Variants in CALHM4 observed in about 807,000 individuals in gnomAD.
CALHM4 encodes calcium homeostasis modulator protein 4.
CALHM4 carries 16 observed loss-of-function variants against 13.3 expected under a neutral mutation model. The observed-to-expected ratio is 1.20, with a 90% CI of 0.81 to 1.82. The LOEUF (loss-of-function observed/expected upper bound fraction) is 1.82. Ranked by LOEUF, CALHM4 falls within the 40% of genes most tolerant of loss-of-function variation. The probability of loss-of-function intolerance (pLI) is 0.00; values close to 1 mark genes in which losing one functional copy is unlikely to be tolerated. For synonymous variants in CALHM4, 127 were observed against 137.1 expected, an observed-to-expected ratio of 0.93 and a Z score of 0.52; for missense variants, 344 against 374.9, an observed-to-expected ratio of 0.92 and a Z score of 0.68.
upstream of CALHM4, among the ~76,000 whole-genome samples, chr6:116,553,118 C>A (rs908461362): frequency 1.3e-5 from 2 of 152,180 alleles, no homozygotes; most frequent in African/African-American, 2.4e-5. Context: ...TTTCATATAA[C>A]AAAAAGATAC....
chr6:116,544,977 T>A (rs1444734736), intron 2 of CALHM4, among the ~76,000 whole-genome samples: 1 of 151,970 alleles, frequency 6.6e-6, no homozygotes, highest in African/African-American at 2.4e-5. Flanking sequence ...ACTCTTAACC[T>A]GGAATATATA....
At chr6:116,534,714 A>AT (rs1457326447) in intron 1 of CALHM4, among the ~76,000 whole-genome samples, 6 of 151,274 alleles carry the variant, frequency 4.0e-5, no homozygotes, top group African/African-American at 1.5e-4. Context: ...CATTTCCTTG[A>AT]TTTTTTATTA....
Position 116,559,388 on chromosome 6 carries a change from G to A in CALHM4, c.*1177G>A, listed in dbSNP as rs968851747. Among the ~76,000 whole-genome samples, 2 of 152,162 alleles carry A rather than the reference G, an allele frequency of 1.3e-5. No homozygotes were observed. The highest frequency in any genetic ancestry group is 3.8e-4 in the East Asian group (2 of 5,202). The stretch of plus-strand genomic sequence containing the variant: ...CACTTTCAAGGAGACCAAGGAACTT[G>A]ACTATACTATCTAAAATGCAATCAA... On this transcript the variant is annotated 3_prime_UTR_variant, in exon 2 of 2. Transcript: ENST00000368596.
At chr6:116,543,407 A>C (rs4142087) in intron 1 of CALHM4, 581,346 of 1,543,190 alleles carry the variant, frequency 0.38, 114,663 homozygotes, top group East Asian at 0.46. Context: ...TATTCTGGAG[A>C]AAAAGGGGTA....
intron 2 of CALHM4, among the ~76,000 whole-genome samples, chr6:116,545,786 A>G (rs17078051): frequency 0.17 from 26,143 of 152,162 alleles, 2,360 homozygotes; most frequent in East Asian, 0.35. Context: ...TAGAGCCATA[A>G]AAGCTGATAA....
At chr6:116,532,150 G>GTAGGA (rs1387219047) in intron 1 of CALHM4, among the ~76,000 whole-genome samples, 1 of 152,194 alleles carries the variant, frequency 6.6e-6, no homozygotes, top group African/African-American at 2.4e-5. Context: ...AGCAGACAGG[G>GTAGGA]TAGGAGTCTT....
upstream of CALHM4, among the ~76,000 whole-genome samples, chr6:116,552,848 G>C (rs1360668952): frequency 1.3e-5 from 2 of 152,186 alleles, no homozygotes; most frequent in South Asian, 2.1e-4. Context: ...GCCGAGGCGG[G>C]CGGATCACAA....
At chr6:116,531,102 T>C (rs894864327) in intron 1 of CALHM4, among the ~76,000 whole-genome samples, 2 of 152,032 alleles carry the variant, frequency 1.3e-5, no homozygotes, top group African/African-American at 4.8e-5. Context: ...TGGCCACAGT[T>C]AATGGATTAG....
chr6:116,551,352 G>C (rs1204827928), upstream of CALHM4, among the ~76,000 whole-genome samples: 1 of 152,094 alleles, frequency 6.6e-6, no homozygotes, highest in South Asian at 2.1e-4. Flanking sequence ...GGCAAGCACT[G>C]GTCTATTTTC....
At chr6:116,533,958 T>G (rs995954574) in intron 1 of CALHM4, among the ~76,000 whole-genome samples, 2 of 152,150 alleles carry the variant, frequency 1.3e-5, no homozygotes, top group African/African-American at 4.8e-5. Context: ...GCAGTCTGAG[T>G]CTAGCAACAC....
chr6:116,544,338 T>G (rs1319118987), intron 2 of CALHM4, among the ~76,000 whole-genome samples: 1 of 152,076 alleles, frequency 6.6e-6, no homozygotes. Flanking sequence ...CTGTCCCTGA[T>G]GGGTGGGCAC....
At chr6:116,553,147 C>T (rs1774156312), upstream of CALHM4, among the ~76,000 whole-genome samples, 2 of 152,206 alleles carry the variant, frequency 1.3e-5, no homozygotes, top group South Asian at 2.1e-4. Flanking sequence ...AAATCTGCAA[C>T]TTAAATTTTT....
intron 1 of CALHM4, among the ~76,000 whole-genome samples, chr6:116,531,050 C>G (rs886622796): frequency 6.6e-5 from 10 of 151,700 alleles, no homozygotes; most frequent in Non-Finnish European, 1.2e-4. Flanking sequence ...TCCTGAGGGG[C>G]TCCCTATGAT....
intron 1 of CALHM4, among the ~76,000 whole-genome samples, chr6:116,533,099 C>T (rs1772843231): frequency 6.6e-6 from 1 of 152,186 alleles, no homozygotes; most frequent in South Asian, 2.1e-4. Context: ...CCTTGCATAT[C>T]ACCACCTTGG....
intron 1 of CALHM4, among the ~76,000 whole-genome samples, chr6:116,536,423 A>T (rs910397223): frequency 6.6e-6 from 1 of 152,220 alleles, no homozygotes; most frequent in Non-Finnish European, 1.5e-5. Flanking sequence ...TGAGGGAAAC[A>T]AGAGAGGGGA....
Position 116,542,256 on chromosome 6 carries a change from T to C in CALHM4, c.-108-1509T>C, listed in dbSNP as rs113368205. Among the ~76,000 whole-genome samples the C allele has an allele frequency of 6.6e-5, 10 of 152,198 alleles. 1 individual carries two copies. The highest frequency in any genetic ancestry group is 2.2e-4 in the African/African-American group (9 of 41,554). On this transcript the variant is annotated intron_variant, in intron 1 of 2. Coordinates refer to the CALHM4 transcript ENST00000368597. Reference sequence around the variant, plus strand: ...ATCTATAGGTAGACAGTTGGGCAGTTCTCTTCTTTGCGAATGCCCTTGACT... The same window carrying C: ...ATCTATAGGTAGACAGTTGGGCAGTCCTCTTCTTTGCGAATGCCCTTGACT...
chr6:116,541,888 A>C (rs1773486054), intron 1 of CALHM4, among the ~76,000 whole-genome samples: 1 of 152,194 alleles, frequency 6.6e-6, no homozygotes, highest in Admixed American at 6.6e-5. Context: ...TTAAAAATGT[A>C]AGAGGCTCTC....
chr6:116,536,841 A>G (rs1405026851), intron 1 of CALHM4, among the ~76,000 whole-genome samples: 2 of 152,162 alleles, frequency 1.3e-5, no homozygotes, highest in African/African-American at 2.4e-5. Context: ...AACTTGGCCT[A>G]GTTCTCTGTA....
At chr6:116,530,788 A>C (rs1380473469) in intron 1 of CALHM4, among the ~76,000 whole-genome samples, 1 of 151,558 alleles carries the variant, frequency 6.6e-6, no homozygotes, top group Non-Finnish European at 1.5e-5. Context: ...TACTAAATGG[A>C]GTCTGCAACA....
Sources: allele counts gnomAD v4.1 joint callset (sites outside exome capture counted in the v4.1 genomes callset), GRCh38; gene constraint gnomAD v4.1.1; transcripts MANE v1.5; gene names NCBI Gene and HGNC (gene_info 2026-07-23, HGNC 2026-07-21).